The following AJAP1 variants were observed in gnomAD, a reference collection of about 807,000 sequenced individuals.
The protein encoded by AJAP1 is adherens junctions associated protein 1.
A neutral mutation model predicts 35.0 loss-of-function variants in AJAP1; 5 were observed. The ratio of observed to expected loss-of-function variants is 0.14; its 90% CI spans 0.07 to 0.30. The LOEUF is 0.30. Ranked by LOEUF, AJAP1 falls within the 10% of genes least tolerant of loss-of-function variation. The pLI, the probability that AJAP1 is intolerant of heterozygous loss-of-function variation, is 1.00. For missense variants in AJAP1, 586 were observed against 571.0 expected (o/e 1.03, Z -0.27); for synonymous variants, 284 against 249.3 (o/e 1.14, Z -1.31).
intron 1 of AJAP1, among the ~76,000 whole-genome samples, chr1:4,664,441 G>A (rs1286678301): frequency 6.6e-6 from 1 of 152,170 alleles, no homozygotes; most frequent in Non-Finnish European, 1.5e-5. Flanking sequence ...CTGGTAGGGG[G>A]ACAATGGTGG....
chr1:4,733,693 A>G (rs1453770178), intron 2 of AJAP1, among the ~76,000 whole-genome samples: 2 of 151,742 alleles, frequency 1.3e-5, no homozygotes, highest in South Asian at 2.1e-4. Context: ...GATTCGGTTC[A>G]TCCTGACCCA....
intron 2 of AJAP1, among the ~76,000 whole-genome samples, chr1:4,763,036 C>T (rs1641606666): frequency 6.6e-6 from 1 of 152,140 alleles, no homozygotes; most frequent in Non-Finnish European, 1.5e-5. Flanking sequence ...CAGGGATGGG[C>T]TCACACCTCA....
intron 5 of AJAP1, among the ~76,000 whole-genome samples, chr1:4,781,636 G>T (rs1424215838): frequency 1.3e-5 from 2 of 152,214 alleles, no homozygotes; most frequent in Non-Finnish European, 2.9e-5. Flanking sequence ...ACTGTTGAGG[G>T]TCCTGATTGC....
intron 2 of AJAP1, among the ~76,000 whole-genome samples, chr1:4,757,991 A>G (rs1641472468): frequency 6.6e-6 from 1 of 151,586 alleles, no homozygotes; most frequent in South Asian, 2.1e-4. Flanking sequence ...TTCTGTGATA[A>G]TGAGTGAGTT....
chr1:4,725,363 C>T (rs1640629982), intron 2 of AJAP1, among the ~76,000 whole-genome samples: 1 of 152,058 alleles, frequency 6.6e-6, no homozygotes, highest in Non-Finnish European at 1.5e-5. Flanking sequence ...TAGAATCCCG[C>T]ATCTTCTCGT....
chr1:4,696,815 G>A (rs551741679), intron 1 of AJAP1, among the ~76,000 whole-genome samples: 7 of 152,248 alleles, frequency 4.6e-5, no homozygotes, highest in Non-Finnish European at 8.8e-5. Context: ...ATGTGCACAT[G>A]TGCATGTGTA....
rs780489018 is a variant in AJAP1, at chr1:4,788,269, G to C, written c.*5784G>C. 1 of 156,450 alleles carries C rather than the reference G, an allele frequency of 6.4e-6. No individual in the cohort carries two copies. Among genetic ancestry groups the C allele is most frequent in the Non-Finnish European group, 1.4e-5 (1 of 70,916 alleles). 9.7% of individuals were successfully genotyped at this position (156,450 alleles called of 1,614,324 possible). On this transcript the variant is annotated 3_prime_UTR_variant, in exon 6 of 6. Transcript: ENST00000378191. Reference sequence around the variant, plus strand: ...TTCCTTCCAAAGAGCATGAAGCATGGCTCTGTGTGGTTTTGTGTGTCTAGG... The same window carrying C: ...TTCCTTCCAAAGAGCATGAAGCATGCCTCTGTGTGGTTTTGTGTGTCTAGG...
At chr1:4,731,818 G>T (rs1246606363) in intron 2 of AJAP1, among the ~76,000 whole-genome samples, 46 of 152,242 alleles carry the variant, frequency 3.0e-4, no homozygotes, top group Non-Finnish European at 8.8e-5. Context: ...GCTCCTGAAA[G>T]AATTGCCCCT....
intron 3 of AJAP1, among the ~76,000 whole-genome samples, chr1:4,771,078 G>A (rs1641823907): frequency 1.3e-5 from 2 of 152,222 alleles, no homozygotes; most frequent in African/African-American, 4.8e-5. Context: ...CAGAGACAGG[G>A]GACTTTGTAG....
intron 1 of AJAP1, among the ~76,000 whole-genome samples, chr1:4,710,527 G>A (rs1198319045): frequency 1.3e-5 from 2 of 152,140 alleles, no homozygotes; most frequent in Non-Finnish European, 2.9e-5. Flanking sequence ...GCATTACAAT[G>A]ACACACACAG....
Position 4,723,002 on chromosome 1 carries a change from G to A in AJAP1, c.829+10303G>A, listed in dbSNP as rs928634507. 6.6e-6 allele frequency among the ~76,000 whole-genome samples: 1 copy of A among 152,108 alleles called. No individual in the cohort carries two copies. The highest frequency in any genetic ancestry group is 2.4e-5 in the African/African-American group (1 of 41,408). ...TGGTGTGATCTGAGCCGGAGGTACT[G>A]GCTGCTCTCTGAGGGCATTCTAGGG... is the stretch of plus-strand genomic sequence containing the variant. On this transcript the variant is annotated intron_variant, in intron 2 of 5. Coordinates refer to ENST00000378191, the MANE Select transcript of AJAP1 (RefSeq NM_018836.4). This position sits in a 1 kb window ranked among gnomAD's most constrained non-coding sequence, Gnocchi z 4.3.
At chr1:4,778,319 C>T (rs1475133574) in intron 5 of AJAP1, among the ~76,000 whole-genome samples, 1 of 152,230 alleles carries the variant, frequency 6.6e-6, no homozygotes, top group African/African-American at 2.4e-5. Flanking sequence ...CTGTCTTTCC[C>T]AGCTGGCCTG....
At chr1:4,733,601 C>G (rs1444547442) in intron 2 of AJAP1, among the ~76,000 whole-genome samples, 4 of 151,584 alleles carry the variant, frequency 2.6e-5, no homozygotes, top group Non-Finnish European at 5.9e-5. Context: ...CAGAGGCCCG[C>G]CCTCCTTGTT....
chr1:4,767,393 T>TCATCATCGTTACCACCACCAA, intron 2 of AJAP1, among the ~76,000 whole-genome samples: 1 of 150,250 alleles, frequency 6.7e-6, no homozygotes, highest in East Asian at 2.0e-4. Flanking sequence ...ACCACCACCA[T>TCATCATCGTTACCACCACCAA]CATCATCGTT....
At position 4,782,501 on chromosome 1, in the gene AJAP1, C is replaced by T. The variant is rs1023242485; in HGVS notation, c.*60-44C>T. 8.7e-6 allele frequency: 3 copies of T among 345,810 alleles called. No homozygotes were observed. The highest frequency in any genetic ancestry group is 1.5e-4 in the South Asian group (1 of 6,564). 21.4% of individuals were successfully genotyped at this position (345,810 alleles called of 1,614,324 possible). A position where few individuals can be genotyped will look rare whatever the true frequency, so the allele number is the denominator to read the frequency against. ...GAACCCCACAGACTTGTCGCGCCCTCGGCGTGCTGCCATTTAATCTCTTCT... is the reference window on the plus strand; with the variant it reads ...GAACCCCACAGACTTGTCGCGCCCTTGGCGTGCTGCCATTTAATCTCTTCT... On this transcript the variant is annotated intron_variant, in intron 5 of 5. Coordinates refer to ENST00000378191, the MANE Select transcript of AJAP1 (RefSeq NM_018836.4). The surrounding 1 kb of genome is among the most constrained non-coding windows in gnomAD (Gnocchi z 5.3).
At chr1:4,661,423 C>T (rs564061225) in intron 1 of AJAP1, among the ~76,000 whole-genome samples, 1 of 152,340 alleles carries the variant, frequency 6.6e-6, no homozygotes, top group South Asian at 2.1e-4. Context: ...GGTATTATTG[C>T]TCCCATTTCA....
chr1:4,770,606 G>A (rs1245398784), intron 3 of AJAP1, among the ~76,000 whole-genome samples: 1 of 152,170 alleles, frequency 6.6e-6, no homozygotes, highest in Non-Finnish European at 1.5e-5. Flanking sequence ...TCCAGCAACT[G>A]TGTCTCCTTT....
intron 1 of AJAP1, among the ~76,000 whole-genome samples, chr1:4,691,124 G>C (rs916406863): frequency 1.3e-5 from 2 of 152,220 alleles, no homozygotes; most frequent in Non-Finnish European, 2.9e-5. Flanking sequence ...TGAGCTCACT[G>C]TGCTTATGGT....
Position 4,692,848 on chromosome 1 carries a change from A to T in AJAP1, c.30-19052A>T, listed in dbSNP as rs575953154. ...TCTGTTGGCCCACGAACAGGCATTAAGTGCACATTTTTCCAAGCTCAGCCC... is the reference window on the plus strand; with the variant it reads ...TCTGTTGGCCCACGAACAGGCATTATGTGCACATTTTTCCAAGCTCAGCCC... On this transcript the variant is annotated intron_variant, in intron 1 of 5. Coordinates refer to ENST00000378191, the MANE Select transcript of AJAP1 (RefSeq NM_018836.4). The surrounding 1 kb of genome is among the most constrained non-coding windows in gnomAD (Gnocchi z 4.4). Among the ~76,000 whole-genome samples the T allele has an allele frequency of 1.3e-5, 2 of 152,244 alleles. No homozygotes were observed. The highest frequency in any genetic ancestry group is 3.9e-4 in the East Asian group (2 of 5,170).
Sources: allele counts gnomAD v4.1 joint callset (sites outside exome capture counted in the v4.1 genomes callset), GRCh38; gene constraint gnomAD v4.1.1; non-coding constraint Gnocchi (gnomAD v3.1); transcripts MANE v1.5; gene names NCBI Gene and HGNC (gene_info 2026-07-23, HGNC 2026-07-21).